The following KIAA1217 variants were observed in gnomAD, a reference collection of about 807,000 sequenced individuals.
KIAA1217 encodes the protein KIAA1217, also known as sickle tail protein homolog.
A neutral mutation model predicts 163.9 loss-of-function variants in KIAA1217; 88 were observed. That is an observed-to-expected ratio of 0.54 (90% CI 0.45 to 0.64). The LOEUF (loss-of-function observed/expected upper bound fraction) is 0.64, where lower values mean the gene tolerates loss of function less well. KIAA1217 is among the 30% of genes least tolerant of loss of function. KIAA1217 has a pLI of 0.00. For missense variants in KIAA1217, 2,372 were observed against 2,475.0 expected (o/e 0.96, Z 0.88); for synonymous variants, 903 against 923.1 (o/e 0.98, Z 0.39).
intron 1 of KIAA1217, among the ~76,000 whole-genome samples, chr10:23,917,690 C>T (rs1842683836): frequency 6.6e-6 from 1 of 152,184 alleles, no homozygotes; most frequent in African/African-American, 2.4e-5. Flanking sequence ...AGGAAGGTAA[C>T]ACAGGGCTCT....
chr10:24,361,852 G>A (rs2050055731), intron 2 of KIAA1217, among the ~76,000 whole-genome samples: 1 of 151,920 alleles, frequency 6.6e-6, no homozygotes, highest in African/African-American at 2.4e-5. Flanking sequence ...GCGGGCGCCT[G>A]TAGTCCCAGC....
intron 2 of KIAA1217, among the ~76,000 whole-genome samples, chr10:24,289,876 G>T (rs765324286): frequency 1.3e-5 from 2 of 152,108 alleles, no homozygotes; most frequent in Non-Finnish European, 2.9e-5. Context: ...GAAAAGTATG[G>T]GCAAGTGCTA....
At chr10:23,799,225 C>G (rs569558013) in intron 1 of KIAA1217, among the ~76,000 whole-genome samples, 3 of 152,276 alleles carry the variant, frequency 2.0e-5, no homozygotes, top group African/African-American at 7.2e-5. Context: ...TGTAAAGACC[C>G]TCTCTCCAAA....
intron 1 of KIAA1217, among the ~76,000 whole-genome samples, chr10:23,869,201 T>C (rs1840345856): frequency 6.7e-6 from 1 of 148,284 alleles, no homozygotes; most frequent in Non-Finnish European, 1.5e-5. Flanking sequence ...TATCTACCTG[T>C]TAAAAAGTGG....
intron 1 of KIAA1217, among the ~76,000 whole-genome samples, chr10:23,957,551 G>A (rs1056113768): frequency 3.3e-5 from 5 of 152,072 alleles, no homozygotes; most frequent in African/African-American, 7.2e-5. Flanking sequence ...GTGAAACCCC[G>A]TCTCTACTAA....
intron 2 of KIAA1217, among the ~76,000 whole-genome samples, chr10:24,184,480 T>TA (rs1186993925): frequency 6.6e-6 from 1 of 152,260 alleles, no homozygotes; most frequent in East Asian, 1.9e-4. Context: ...AAACTTTTCC[T>TA]AATGCAAATA....
chr10:24,535,013 CATA>C (rs2073790140), intron 16 of KIAA1217, among the ~76,000 whole-genome samples: 1 of 152,106 alleles, frequency 6.6e-6, no homozygotes, highest in Non-Finnish European at 1.5e-5. Flanking sequence ...GGCCAGTGGC[CATA>C]ATGATTCTCT....
At chr10:24,423,167 G>A (rs1000212909) in intron 3 of KIAA1217, among the ~76,000 whole-genome samples, 16 of 151,888 alleles carry the variant, frequency 1.1e-4, no homozygotes, top group African/African-American at 2.9e-4. Flanking sequence ...TCCACCTGCC[G>A]TGGCCTCCCA....
chr10:23,784,692 A>C (rs1428771095), intron 1 of KIAA1217, among the ~76,000 whole-genome samples: 1 of 152,150 alleles, frequency 6.6e-6, no homozygotes, highest in Non-Finnish European at 1.5e-5. Context: ...GTCTATTTCA[A>C]GTTGATAATG....
At chr10:24,164,825 AAAG>A (rs1355034113) in intron 2 of KIAA1217, among the ~76,000 whole-genome samples, 2 of 152,160 alleles carry the variant, frequency 1.3e-5, no homozygotes, top group African/African-American at 4.8e-5. Flanking sequence ...CCCAGGAAGA[AAAG>A]AAGAAGAGAG....
intron 2 of KIAA1217, among the ~76,000 whole-genome samples, chr10:24,202,698 C>A (rs961821501): frequency 6.6e-6 from 1 of 152,134 alleles, no homozygotes; most frequent in South Asian, 2.1e-4. Flanking sequence ...GGAAGCCCTG[C>A]CCCCCAGGGA....
chr10:24,490,024 G>A (rs1053381557), intron 6 of KIAA1217, among the ~76,000 whole-genome samples: 12 of 152,160 alleles, frequency 7.9e-5, no homozygotes, highest in Non-Finnish European at 1.5e-5. Flanking sequence ...CATGGAGCTT[G>A]CAGGAAAGTT....
chr10:23,926,203 G>GGCC (rs1393529217), intron 1 of KIAA1217, among the ~76,000 whole-genome samples: 1 of 152,134 alleles, frequency 6.6e-6, no homozygotes, highest in African/African-American at 2.4e-5. Flanking sequence ...TCCCACCCAG[G>GGCC]GCCGGGATGG....
Position 24,317,742 on chromosome 10 carries a change from G to A in KIAA1217, c.355-63127G>A, listed in dbSNP as rs1171713999. ...AGGTTCTTAGGCTTTCTCTGTTCAC[G>A]GCATTCCTGTAGACTAAAAGAAACA... On this transcript the variant is annotated intron_variant, in intron 2 of 20. Coordinates refer to ENST00000376454, the MANE Select transcript of KIAA1217 (RefSeq NM_019590.5). Among the ~76,000 whole-genome samples the A allele has an allele frequency of 2.0e-5, 3 of 152,090 alleles. No individual in the cohort carries two copies. The East Asian group carries it at 5.8e-4, about 29-fold the overall frequency.
chr10:24,273,520 C>T (rs920780038), intron 2 of KIAA1217, among the ~76,000 whole-genome samples: 1 of 152,114 alleles, frequency 6.6e-6, no homozygotes, highest in African/African-American at 2.4e-5. Flanking sequence ...TGGCTTACCT[C>T]TATGCATAAC....
chr10:24,443,989 T>A (rs111628431), intron 5 of KIAA1217, among the ~76,000 whole-genome samples: 3 of 151,526 alleles, frequency 2.0e-5, no homozygotes, highest in African/African-American at 7.2e-5. Flanking sequence ...ATTTTCATAA[T>A]AAAATCTGTT....
At chr10:24,048,225 G>A (rs1027289101) in intron 2 of KIAA1217, among the ~76,000 whole-genome samples, 4 of 152,060 alleles carry the variant, frequency 2.6e-5, no homozygotes, top group African/African-American at 9.7e-5. Flanking sequence ...TATCTATATG[G>A]GTCATTACAT....
Position 24,408,872 on chromosome 10 carries a change from C to A in KIAA1217, c.554-24123C>A, listed in dbSNP as rs144407423. 2.6e-3 allele frequency among the ~76,000 whole-genome samples: 398 copies of A among 151,958 alleles called. 5 individuals are homozygous for A. Among genetic ancestry groups the A allele is most frequent in the African/African-American group, 8.9e-3 (369 of 41,540 alleles). On this transcript the variant is annotated intron_variant, in intron 3 of 20. Coordinates refer to ENST00000376454, the MANE Select transcript of KIAA1217 (RefSeq NM_019590.5). ...ACTAATAGCCACCTGATATAGTATA[C>A]GCTCATTCTTAAACTGACATATGAC...
intron 1 of KIAA1217, among the ~76,000 whole-genome samples, chr10:23,948,734 A>G (rs1844177347): frequency 1.3e-5 from 2 of 152,176 alleles, no homozygotes; most frequent in Non-Finnish European, 1.5e-5. Context: ...AGAATAGTAT[A>G]TATGGCACGT....
Sources: gnomAD v4.1 joint callset for allele counts (sites outside exome capture counted in the v4.1 genomes callset) on GRCh38, gnomAD v4.1.1 for gene constraint, MANE v1.5 for transcripts, NCBI Gene and HGNC (gene_info 2026-07-23, HGNC 2026-07-21) for gene names.